Variants in PITPNC1 observed in about 807,000 individuals in gnomAD.
PITPNC1 encodes phosphatidylinositol transfer protein cytoplasmic 1.
A neutral mutation model predicts 44.7 loss-of-function variants in PITPNC1; 18 were observed. The ratio of observed to expected loss-of-function variants is 0.40; its 90% CI spans 0.28 to 0.60. The LOEUF (loss-of-function observed/expected upper bound fraction) is 0.60, where lower values mean the gene tolerates loss of function less well. Ranked by LOEUF, PITPNC1 falls within the 20% of genes least tolerant of loss-of-function variation. The pLI is 0.39. For synonymous variants in PITPNC1, 141 were observed against 149.6 expected (o/e 0.94, Z 0.42); for missense variants, 290 against 418.4 (o/e 0.69, Z 2.68).
intron 1 of PITPNC1, among the ~76,000 whole-genome samples, chr17:67,415,038 C>G (rs958142432): frequency 3.0e-4 from 45 of 152,196 alleles, no homozygotes; most frequent in Admixed American, 1.6e-3. Context: ...TGCCACGAGG[C>G]CTGGCTAATT....
intron 1 of PITPNC1, among the ~76,000 whole-genome samples, chr17:67,458,018 C>T (rs889269804): frequency 1.3e-5 from 2 of 152,022 alleles, no homozygotes; most frequent in Admixed American, 6.6e-5. Flanking sequence ...CAGTGCTGGC[C>T]CACTGCTGCA....
intron 1 of PITPNC1, among the ~76,000 whole-genome samples, chr17:67,403,663 G>A (rs2038356279): frequency 6.6e-6 from 1 of 152,120 alleles, no homozygotes; most frequent in Non-Finnish European, 1.5e-5. Context: ...TTTAACAGAC[G>A]TGGAAATTGA....
At chr17:67,687,241 G>C in intron 8 of PITPNC1, 1 of 931,926 alleles carries the variant, frequency 1.1e-6, no homozygotes, top group East Asian at 2.4e-5. Flanking sequence ...CATGTAAACT[G>C]ATCTGGGAAA....
In PITPNC1 at chr17:67,695,633, A is replaced by AT. The variant is rs1567788128; in HGVS notation, c.*2745_*2746insT. Reference sequence around the variant, plus strand: ...ATATATATATATATATATATATATAAATATAAATATAGTATAGTGAATCAG... The same window carrying AT: ...ATATATATATATATATATATATATAATATATAAATATAGTATAGTGAATCAG... On this transcript the variant is annotated 3_prime_UTR_variant, in exon 9 of 9. Coordinates refer to ENST00000581322, the MANE Select transcript of PITPNC1 (RefSeq NM_012417.4). 19 of 136,162 alleles carry AT rather than the reference A, an allele frequency of 1.4e-4. No individual in the cohort carries two copies. The highest frequency in any genetic ancestry group is 4.4e-4 in the African/African-American group (16 of 36,750). The allele number at this position is 136,162 out of a possible 1,614,324, so 8.4% of individuals were successfully genotyped here. A position where few individuals can be genotyped will look rare whatever the true frequency, so the allele number is the denominator to read the frequency against.
chr17:67,445,045 G>A (rs944336640), intron 1 of PITPNC1, among the ~76,000 whole-genome samples: 1 of 151,872 alleles, frequency 6.6e-6, no homozygotes, highest in African/African-American at 2.4e-5. Context: ...AAGTGTGGAT[G>A]ATTTTAGGGA....
In PITPNC1 at chr17:67,381,560, G is replaced by A. The variant is rs533845755; in HGVS notation, c.48+3358G>A. The stretch of plus-strand genomic sequence containing the variant: ...CAGCTCACTGCAAGGTCCACCTCCC[G>A]GGTTCACGCGAGTCTCCTGCCTCAG... On this transcript the variant is annotated intron_variant, in intron 1 of 8. Transcript: ENST00000581322. Among the ~76,000 whole-genome samples, 14 of 150,374 alleles carry A rather than the reference G, an allele frequency of 9.3e-5. 2 individuals are homozygous for A. In the South Asian group the frequency reaches 2.8e-3, roughly 30 times the overall value.
chr17:67,398,262 A>G (rs1351515382), intron 1 of PITPNC1, among the ~76,000 whole-genome samples: 1 of 152,132 alleles, frequency 6.6e-6, no homozygotes, highest in African/African-American at 2.4e-5. Context: ...ATTTTTGCCA[A>G]TGAGAAATAA....
At chr17:67,381,307 G>A (rs1287115467) in intron 1 of PITPNC1, among the ~76,000 whole-genome samples, 11 of 126,450 alleles carry the variant, frequency 8.7e-5, no homozygotes, top group Non-Finnish European at 1.6e-4. Context: ...CAGCCTGGGC[G>A]ACAGAACAAG....
chr17:67,635,841 C>T (rs1264982132), intron 6 of PITPNC1, among the ~76,000 whole-genome samples: 1 of 152,136 alleles, frequency 6.6e-6, no homozygotes, highest in East Asian at 1.9e-4. Flanking sequence ...TCCGCTGGAG[C>T]AGTTCTCAAC....
intron 1 of PITPNC1, among the ~76,000 whole-genome samples, chr17:67,486,768 C>T (rs1267772874): frequency 6.6e-6 from 1 of 152,158 alleles, no homozygotes; most frequent in Non-Finnish European, 1.5e-5. Context: ...AGGAAACCTC[C>T]TCCTCTCTTG....
In PITPNC1 at chr17:67,424,660, AAAAC is replaced by A. The variant is rs1313053703; in HGVS notation, c.48+46469_48+46472del. ...CGACAGAGGAAGACTCCGTCTCACA[AAAAC>A]AAACAAACAAGCAAATATACAAAAC... On this transcript the variant is annotated intron_variant, in intron 1 of 8. Transcript: ENST00000581322. 5.9e-5 allele frequency among the ~76,000 whole-genome samples: 9 copies of A among 152,160 alleles called. No homozygotes were observed. The South Asian group carries it at 8.3e-4, about 14-fold the overall frequency.
At chr17:67,423,051 T>C (rs1404646690) in intron 1 of PITPNC1, among the ~76,000 whole-genome samples, 1 of 152,102 alleles carries the variant, frequency 6.6e-6, no homozygotes, top group East Asian at 1.9e-4. Context: ...TTAATTGCAT[T>C]ACGGCTCAAC....
chr17:67,416,014 A>G lies in PITPNC1; in HGVS notation c.48+37812A>G, dbSNP rs191565681. Among the ~76,000 whole-genome samples, 1,285 of 152,228 alleles carry G rather than the reference A, an allele frequency of 8.4e-3. 12 individuals carry two copies. The highest frequency in any genetic ancestry group is 0.013 in the Non-Finnish European group (912 of 68,012). ...TCGTTAGGTTGAAGAACAATTGTAA[A>G]AATTGAAGGCATGGCACTACCGCCG... On this transcript the variant is annotated intron_variant, in intron 1 of 8. Coordinates refer to ENST00000581322, the MANE Select transcript of PITPNC1 (RefSeq NM_012417.4).
At chr17:67,405,161 C>T (rs931157476) in intron 1 of PITPNC1, among the ~76,000 whole-genome samples, 12 of 152,020 alleles carry the variant, frequency 7.9e-5, no homozygotes, top group African/African-American at 2.7e-4. Flanking sequence ...GCATGAGAAT[C>T]ACTTGAACCC....
chr17:67,636,426 G>C (rs575764057), intron 6 of PITPNC1, among the ~76,000 whole-genome samples: 3 of 151,950 alleles, frequency 2.0e-5, no homozygotes, highest in Admixed American at 6.6e-5. Context: ...CCCCTGGCCC[G>C]CCCTGGAGTC....
intron 1 of PITPNC1, among the ~76,000 whole-genome samples, chr17:67,406,518 G>C (rs1384584787): frequency 3.3e-5 from 5 of 151,908 alleles, no homozygotes; most frequent in Admixed American, 2.0e-4. Context: ...TTTAATGAAA[G>C]GTGTGTGTTG....
rs1304740403 is a variant in PITPNC1 at position 67,570,964 on chromosome 17, C to T, written c.295-7222C>T. On this transcript the variant is annotated intron_variant, in intron 4 of 8. Transcript: ENST00000581322. ...GGCATCATAGGTGGAACTAATAAGT[C>T]AGAAAAAGCACCAATTCCCCCTTCC... Among the ~76,000 whole-genome samples the T allele has an allele frequency of 7.2e-5, 11 of 152,238 alleles. No homozygotes were observed. In the East Asian group the frequency reaches 2.1e-3, roughly 29 times the overall value.
intron 5 of PITPNC1, among the ~76,000 whole-genome samples, chr17:67,606,717 A>T (rs1056008214): frequency 2.6e-5 from 4 of 152,210 alleles, no homozygotes; most frequent in Non-Finnish European, 5.9e-5. Context: ...AGGAAAGATT[A>T]GCATCACAAG....
At chr17:67,402,325 A>G (rs571357852) in intron 1 of PITPNC1, among the ~76,000 whole-genome samples, 7 of 152,294 alleles carry the variant, frequency 4.6e-5, no homozygotes, top group South Asian at 2.1e-4. Context: ...AAAACAGGCT[A>G]TGGGCTGCAT....
Sources: gnomAD v4.1 joint callset for allele counts (sites outside exome capture counted in the v4.1 genomes callset) on GRCh38, gnomAD v4.1.1 for gene constraint, MANE v1.5 for transcripts, NCBI Gene and HGNC (gene_info 2026-07-23, HGNC 2026-07-21) for gene names.